Variants in SGSH observed in about 807,000 individuals in gnomAD.
SGSH encodes heparan sulfate sulfatase.
A neutral mutation model predicts 51.0 loss-of-function variants in SGSH; 48 were observed. The observed-to-expected ratio is 0.94, with a 90% CI of 0.75 to 1.20. SGSH has a LOEUF of 1.20. Ranked by LOEUF, SGSH falls within the 50% of genes most tolerant of loss-of-function variation. SGSH has a pLI of 0.00. For synonymous variants in SGSH, 321 were observed against 313.4 expected, an observed-to-expected ratio of 1.02 and a Z score of -0.26; for missense variants, 662 against 717.8, an observed-to-expected ratio of 0.92 and a Z score of 0.89.
rs751150121 is a variant in SGSH, at chr17:80,210,817, G to A, written c.1144C>T (p.Arg382Trp). 28 of 1,613,892 alleles carry A rather than the reference G, an allele frequency of 1.7e-5. 1 individual carries two copies. The South Asian group carries it at 1.9e-4, about 11-fold the overall frequency. The change falls in exon 8 of 8, where the codon CGG becomes TGG. Residue 382 changes from arginine (R) to tryptophan (W), a missense_variant. By Grantham distance (101) the Arg-to-Trp change is moderately radical. Coordinates refer to ENST00000326317, the MANE Select transcript of SGSH (RefSeq NM_000199.5). ...AGGTTGTGCACGAGGCGGAAGTGCCGGTGCTGCACGGAGCGCATGGGGTAG... is the reference window on the plus strand; with the variant it reads ...AGGTTGTGCACGAGGCGGAAGTGCCAGTGCTGCACGGAGCGCATGGGGTAG... ...MSYPMRSVQHRHFRLVHNLNF... is the reference protein window; with the variant it reads ...MSYPMRSVQHWHFRLVHNLNF...
chr17:80,209,938 AGAGCCAG>A lies in SGSH; in HGVS notation c.*507_*513del, dbSNP rs1435317015. 7.0e-6 allele frequency: 7 copies of A among 999,034 alleles called. No homozygotes were observed. The African/African-American group carries it at 1.2e-4, about 17-fold the overall frequency. The allele number at this position is 999,034 out of a possible 1,614,324, so 61.9% of individuals were successfully genotyped here. A position where few individuals can be genotyped will look rare whatever the true frequency, so the allele number is the denominator to read the frequency against. ...GCTTCCTCTAGGCCAGACGCTGGTA[AGAGCCAG>A]GCGCCGTGCTCCCAGGTGAGTGTCG... On this transcript the variant is annotated 3_prime_UTR_variant, in exon 8 of 8. Coordinates refer to ENST00000326317, the MANE Select transcript of SGSH (RefSeq NM_000199.5).
Position 80,210,348 on chromosome 17 carries a change from C to A in SGSH, c.*104G>T. ...AACCCTCCTTGGATGGGAGTGTGGA[C>A]GGAAGGGCTGTTGCCACTACTCCCC... On this transcript the variant is annotated 3_prime_UTR_variant, in exon 8 of 8. Transcript: ENST00000326317. The A allele has an allele frequency of 2.1e-6, 3 of 1,458,622 alleles. No homozygotes were observed. Among genetic ancestry groups the A allele is most frequent in the Non-Finnish European group, 1.8e-6 (2 of 1,106,834 alleles). 90.4% of individuals were successfully genotyped at this position (1,458,622 alleles called of 1,614,324 possible).
rs768751214 is a variant in SGSH, at chr17:80,217,160, T to C, written c.121A>G (p.Asn41Asp). ...DDGGFESGAY[N>D]NSAIATPHLD... ...TGCGGGGTGGCGATGGCGCTGTTGT[T>C]GTACGCGCCACTCTCAAAGCCTCCG... Residue 41 changes from asparagine to aspartate, a missense_variant, in exon 2 of 8, where the codon AAC becomes GAC. Physicochemically the swap from Asn to Asp is conservative, Grantham distance 23. Transcript: ENST00000326317. The C allele has an allele frequency of 3.1e-6, 5 of 1,601,698 alleles. No individual in the cohort carries two copies. The highest frequency in any genetic ancestry group is 1.7e-5 in the Admixed American group (1 of 58,210).
At position 80,211,023 on chromosome 17, in the gene SGSH, G is replaced by A. The variant is rs1334931070; in HGVS notation, c.950-12C>T. On this transcript the variant is annotated splice_polypyrimidine_tract_variant and intron_variant, in intron 7 of 7. Transcript: ENST00000326317. ...GGTGGGCGTGAGGTCTGGAAGGGAC[G>A]CGGCATCTCAGAGCAGCAGAGCCCT... 7.5e-6 allele frequency: 12 copies of A among 1,598,154 alleles called. No homozygotes were observed. Among genetic ancestry groups the A allele is most frequent in the East Asian group, 6.7e-5 (3 of 44,886 alleles).
chr17:80,204,022 C>A (rs993316580), downstream of SGSH: 15 of 811,264 alleles, frequency 1.8e-5, no homozygotes, highest in African/African-American at 2.3e-4. Context: ...CTCCTCTGCA[C>A]CCCTTCAAAC....
At chr17:80,204,213 T>G, downstream of SGSH, 1 of 1,575,072 alleles carries the variant, frequency 6.3e-7, no homozygotes, top group Non-Finnish European at 8.7e-7. Context: ...ATCCTTTCTC[T>G]GTCCCTCCTT....
intron 1 of SGSH, 52 bp downstream of exon 1, chr17:80,220,174 C>T (rs2144830335): frequency 1.4e-6 from 2 of 1,393,480 alleles, no homozygotes; most frequent in East Asian, 2.6e-5. Flanking sequence ...GGCCAGTGGC[C>T]ACTTCCCCGG....
intron 4 of SGSH, 43 bp downstream of exon 4, chr17:80,214,572 G>A (rs1567923008): frequency 1.9e-6 from 3 of 1,593,664 alleles, no homozygotes; most frequent in Non-Finnish European, 2.6e-6. Flanking sequence ...CTGTGCTCTG[G>A]TACCGGCCGC....
downstream of SGSH, chr17:80,201,730 C>T (rs377407058): frequency 1.3e-4 from 207 of 1,613,820 alleles, no homozygotes; most frequent in South Asian, 5.2e-4. The surrounding 1 kb of genome is among the most constrained non-coding windows in gnomAD (Gnocchi z 5.0). Flanking sequence ...CTGACCTTCT[C>T]GACTTGCCCT....
Position 80,213,711 on chromosome 17 carries a change from A to G in SGSH, c.745+93T>C, listed in dbSNP as rs2041764002. On this transcript the variant is annotated intron_variant, in intron 6 of 7. Coordinates refer to ENST00000326317, the MANE Select transcript of SGSH (RefSeq NM_000199.5). The surrounding 1 kb of genome is among the most constrained non-coding windows in gnomAD (Gnocchi z 4.6). ...CAGGGCCTGCCACACTGGGACCCTC[A>G]CCCACATTATGCCGTGACCTAAGAG... 4 of 1,104,226 alleles carry G rather than the reference A, an allele frequency of 3.6e-6. No individual in the cohort carries two copies. The highest frequency in any genetic ancestry group is 4.0e-6 in the Non-Finnish European group (3 of 753,988). 68.4% of individuals were successfully genotyped at this position (1,104,226 alleles called of 1,614,324 possible).
downstream of SGSH, chr17:80,203,672 C>A: frequency 5.0e-6 from 3 of 596,748 alleles, no homozygotes; most frequent in African/African-American, 1.9e-5. The surrounding 1 kb of genome is among the most constrained non-coding windows in gnomAD (Gnocchi z 4.6). Context: ...ATGGAGCGCT[C>A]CAGCCTGCAG....
At chr17:80,215,176 C>G (rs777599285) in intron 2 of SGSH, 38 bp from the exon 3 acceptor site, 9 of 1,482,530 alleles carry the variant, frequency 6.1e-6, no homozygotes, top group Non-Finnish European at 8.4e-6. Flanking sequence ...GGCCCCCGGA[C>G]AGCCAGAGCC....
chr17:80,206,935 G>T, downstream of SGSH: 1 of 1,530,594 alleles, frequency 6.5e-7, no homozygotes, highest in Non-Finnish European at 9.0e-7. Context: ...TGAGGCCTGT[G>T]ATCTTGACTC....
Position 80,209,887 on chromosome 17 carries a change from G to A in SGSH, c.*565C>T. On this transcript the variant is annotated 3_prime_UTR_variant, in exon 8 of 8. Transcript: ENST00000326317. ...ACCATGGGGCAAAACAGAAGAAGCA[G>A]AAACCTGCCCAAAGGTCGCTCAAAG... The A allele has an allele frequency of 2.0e-6, 2 of 991,306 alleles. No homozygotes were observed. Among genetic ancestry groups the A allele is most frequent in the Non-Finnish European group, 2.4e-6 (2 of 833,196 alleles). 61.4% of individuals were successfully genotyped at this position (991,306 alleles called of 1,614,324 possible). A position where few individuals can be genotyped will look rare whatever the true frequency, so the allele number is the denominator to read the frequency against.
chr17:80,212,111 T>C lies in SGSH; in HGVS notation c.909A>G (p.Lys303=), dbSNP rs746617014. 1.4e-5 allele frequency: 23 copies of C among 1,613,484 alleles called. 1 individual carries two copies. The South Asian group carries it at 2.5e-4, about 18-fold the overall frequency. The change falls in exon 7 of 8, where the codon AAA becomes AAG. Residue 303 remains lysine (K), a synonymous_variant. Coordinates refer to ENST00000326317, the MANE Select transcript of SGSH (RefSeq NM_000199.5). This position sits in a 1 kb window ranked among gnomAD's most constrained non-coding sequence, Gnocchi z 5.9. ...PLLVSSPEHP[K]RWGQVSEAYV... is the part of the protein sequence containing the mutation. ...AGGCCTCGCTGACTTGGCCCCAGCG[T>C]TTTGGGTGCTCCGGGGATGACACCA... is the stretch of plus-strand genomic sequence containing the variant.
At chr17:80,219,963 G>A (rs576858873) in intron 1 of SGSH, 1 of 393,168 alleles carries the variant, frequency 2.5e-6, no homozygotes, top group Admixed American at 4.5e-5. Context: ...GGCAGGGTCA[G>A]AGGAGGGTGG....
chr17:80,204,041 G>C, downstream of SGSH: 1 of 799,292 alleles, frequency 1.3e-6, no homozygotes, highest in Admixed American at 2.9e-5. Context: ...ACCAGGGCAG[G>C]GTCTGCAGCC....
chr17:80,204,746 C>G (rs893613938), downstream of SGSH: 8 of 432,110 alleles, frequency 1.9e-5, no homozygotes, highest in African/African-American at 1.6e-4. Context: ...GGAAGAAAAC[C>G]CTGGCTTCCG....
chr17:80,204,980 G>A (rs1362582399), downstream of SGSH: 1 of 1,450,110 alleles, frequency 6.9e-7, no homozygotes, highest in Non-Finnish European at 9.2e-7. Flanking sequence ...GGGCAGGGTA[G>A]GCTGGCTGGG....
Sources: allele counts gnomAD v4.1 joint callset, GRCh38; gene constraint gnomAD v4.1.1; non-coding constraint Gnocchi (gnomAD v3.1); transcripts MANE v1.5; gene names NCBI Gene and HGNC (gene_info 2026-07-23, HGNC 2026-07-21).